The following ASAP1 variants were observed in gnomAD, a reference collection of about 807,000 sequenced individuals.
ASAP1 encodes the protein arf-GAP with SH3 domain, ANK repeat and PH domain-containing protein 1.
A neutral mutation model predicts 145.2 loss-of-function variants in ASAP1; 43 were observed. That is an observed-to-expected ratio of 0.30 (90% CI 0.23 to 0.38). The LOEUF (loss-of-function observed/expected upper bound fraction) is 0.38, where lower values mean the gene tolerates loss of function less well. Among genes scored for constraint, ASAP1 ranks in the 10% least tolerant of loss-of-function variants. The probability of loss-of-function intolerance (pLI) is 1.00; values close to 1 mark genes in which losing one functional copy is unlikely to be tolerated. For missense variants in ASAP1, 1,018 were observed against 1,355.3 expected, an observed-to-expected ratio of 0.75 and a Z score of 3.91; for synonymous variants, 546 against 515.5, an observed-to-expected ratio of 1.06 and a Z score of -0.80.
chr8:130,355,287 TA>T (rs1304093367), intron 3 of ASAP1, among the ~76,000 whole-genome samples: 3 of 152,158 alleles, frequency 2.0e-5, no homozygotes, highest in African/African-American at 7.2e-5. Flanking sequence ...GGAGACATAG[TA>T]AAAGAAAGAG....
At chr8:130,104,720 C>A (rs921286257) in intron 24 of ASAP1, among the ~76,000 whole-genome samples, 2 of 152,182 alleles carry the variant, frequency 1.3e-5, no homozygotes, top group African/African-American at 4.8e-5. Flanking sequence ...GCATTTCAAA[C>A]AACGACTATA....
intron 3 of ASAP1, among the ~76,000 whole-genome samples, chr8:130,239,337 C>T (rs1818391668): frequency 6.6e-6 from 1 of 152,110 alleles, no homozygotes; most frequent in Non-Finnish European, 1.5e-5. Context: ...CAGAGATTAT[C>T]TCACTTAATT....
rs1230454649 is a variant in ASAP1, at chr8:130,300,182, A to AGC, written c.186+57834_186+57835insGC. Among the ~76,000 whole-genome samples, 622 of 146,014 alleles carry AGC rather than the reference A, an allele frequency of 4.3e-3. 1 individual carries two copies. Among genetic ancestry groups the AGC allele is most frequent in the East Asian group, 0.012 (58 of 4,974 alleles). On this transcript the variant is annotated intron_variant, in intron 3 of 29. Coordinates refer to ENST00000518721, the MANE Select transcript of ASAP1 (RefSeq NM_018482.4). ...GAGAGAGAGAGAGAGAGAGAGAGAG[A>AGC]GAGAGCGAGCGAGCGAGCAGTCAAT...
intron 3 of ASAP1, among the ~76,000 whole-genome samples, chr8:130,340,038 T>C (rs1169099491): frequency 6.6e-6 from 1 of 152,240 alleles, no homozygotes; most frequent in Admixed American, 6.5e-5. Context: ...TTCATTCTAC[T>C]GGGTCGCAGG....
Position 130,180,972 on chromosome 8 carries a change from G to T in ASAP1, c.531-92C>A, listed in dbSNP as rs940220567. ...ATCCTAATACAAACTATGGATTTGG[G>T]GTGACGATGTGTCTATGTAGGTTCA... On this transcript the variant is annotated intron_variant, in intron 7 of 29. Coordinates refer to ENST00000518721, the MANE Select transcript of ASAP1 (RefSeq NM_018482.4). 3 of 1,217,800 alleles carry T rather than the reference G, an allele frequency of 2.5e-6. No individual in the cohort carries two copies. The Admixed American group carries it at 6.6e-5, about 27-fold the overall frequency. The allele number at this position is 1,217,800 out of a possible 1,614,324, so 75.4% of individuals were successfully genotyped here. A position where few individuals can be genotyped will look rare whatever the true frequency, so the allele number is the denominator to read the frequency against.
At chr8:130,152,857 C>T (rs753929243) in intron 12 of ASAP1, 52 bp from the exon 13 acceptor site, 2 of 1,368,200 alleles carry the variant, frequency 1.5e-6, no homozygotes, top group Admixed American at 1.8e-5. Flanking sequence ...CACTCTGGGA[C>T]ATGCGACGAT....
At chr8:130,346,725 T>C (rs1825724476) in intron 3 of ASAP1, among the ~76,000 whole-genome samples, 1 of 146,756 alleles carries the variant, frequency 6.8e-6, no homozygotes. Flanking sequence ...GGCACCAGTT[T>C]ATTTATTGGG....
chr8:130,363,852 C>T (rs899563686), intron 2 of ASAP1, among the ~76,000 whole-genome samples: 3 of 152,110 alleles, frequency 2.0e-5, no homozygotes, highest in African/African-American at 7.2e-5. Flanking sequence ...CTGTATTTCA[C>T]CTGACAACTT....
chr8:130,067,918 C>T (rs1171284302), intron 27 of ASAP1, among the ~76,000 whole-genome samples: 5 of 152,108 alleles, frequency 3.3e-5, no homozygotes, highest in African/African-American at 1.2e-4. Context: ...TGCTGGGAGC[C>T]GTACACCACA....
chr8:130,377,262 T>C (rs996266425), intron 2 of ASAP1, among the ~76,000 whole-genome samples: 2 of 152,018 alleles, frequency 1.3e-5, no homozygotes, highest in African/African-American at 4.8e-5. Flanking sequence ...AGACTACAAA[T>C]TGGGTTCAGT....
intron 1 of ASAP1, among the ~76,000 whole-genome samples, chr8:130,420,888 C>G (rs931446056): frequency 1.4e-5 from 2 of 142,680 alleles, no homozygotes; most frequent in African/African-American, 5.3e-5. Context: ...AGCAAAACTC[C>G]AACTCAAAAA....
intron 1 of ASAP1, among the ~76,000 whole-genome samples, chr8:130,424,559 G>C (rs1162453846): frequency 6.6e-6 from 1 of 152,104 alleles, no homozygotes; most frequent in Non-Finnish European, 1.5e-5. Context: ...TGACATGCTG[G>C]GATTGGAAGA....
chr8:130,424,510 G>GTTTGTT (rs1565305048), intron 1 of ASAP1, among the ~76,000 whole-genome samples: 2 of 152,136 alleles, frequency 1.3e-5, no homozygotes, highest in Admixed American at 6.5e-5. Context: ...TAGGCTCAGC[G>GTTTGTT]TTTGTTTTTG....
chr8:130,272,355 G>A (rs1242580342), intron 3 of ASAP1, among the ~76,000 whole-genome samples: 1 of 152,068 alleles, frequency 6.6e-6, no homozygotes, highest in Non-Finnish European at 1.5e-5. Flanking sequence ...CTATGTTGGC[G>A]AGGACGTGGA....
intron 3 of ASAP1, among the ~76,000 whole-genome samples, chr8:130,262,089 C>T (rs1000515506): frequency 6.6e-6 from 1 of 151,734 alleles, no homozygotes; most frequent in Non-Finnish European, 1.5e-5. Flanking sequence ...CTTCATGTTT[C>T]CAGTGCTATT....
At chr8:130,301,056 C>A (rs546322094) in intron 3 of ASAP1, among the ~76,000 whole-genome samples, 43 of 152,188 alleles carry the variant, frequency 2.8e-4, no homozygotes, top group Non-Finnish European at 5.4e-4. Flanking sequence ...CCCTATGATG[C>A]ATTTAAGGAG....
At chr8:130,130,957 C>T (rs1405774949) in intron 15 of ASAP1, among the ~76,000 whole-genome samples, 1 of 152,030 alleles carries the variant, frequency 6.6e-6, no homozygotes, top group African/African-American at 2.4e-5. Context: ...GAGATCGAGA[C>T]CATCCTGGCT....
At chr8:130,435,629 TA>T (rs1165037253) in intron 1 of ASAP1, among the ~76,000 whole-genome samples, 2 of 152,242 alleles carry the variant, frequency 1.3e-5, no homozygotes, top group African/African-American at 4.8e-5. Context: ...AATATTAAGC[TA>T]GCTGGTTGCA....
intron 4 of ASAP1, among the ~76,000 whole-genome samples, chr8:130,228,311 G>T (rs778057013): frequency 6.6e-6 from 1 of 152,070 alleles, no homozygotes; most frequent in Non-Finnish European, 1.5e-5. Flanking sequence ...CAGAACTCTG[G>T]GAAAAAGCAT....
Sources: allele counts gnomAD v4.1 joint callset (sites outside exome capture counted in the v4.1 genomes callset), GRCh38; gene constraint gnomAD v4.1.1; transcripts MANE v1.5; gene names NCBI Gene and HGNC (gene_info 2026-07-23, HGNC 2026-07-21).